The following TIMD4 variants were observed in gnomAD, a reference collection of about 807,000 sequenced individuals.
The protein encoded by TIMD4 is T-cell immunoglobulin and mucin domain-containing protein 4.
Under a neutral mutation model 41.2 loss-of-function variants are expected in TIMD4, and 31 were observed. That is an observed-to-expected ratio of 0.75 (90% confidence interval 0.57 to 1.01). The LOEUF is 1.01. TIMD4 is among the 50% of genes least tolerant of loss of function. TIMD4 has a pLI of 0.00. For synonymous variants in TIMD4, 204 were observed against 177.1 expected (o/e 1.15, Z -1.21); for missense variants, 479 against 472.5 (o/e 1.01, Z -0.13).
intron 5 of TIMD4, among the ~76,000 whole-genome samples, chr5:156,945,959 C>A (rs1759731248): frequency 6.6e-6 from 1 of 152,142 alleles, no homozygotes; most frequent in Non-Finnish European, 1.5e-5. Flanking sequence ...GCTTTTCATC[C>A]CTAATGACTA....
chr5:156,947,363 A>G (rs1001477748), intron 5 of TIMD4, among the ~76,000 whole-genome samples: 2 of 152,216 alleles, frequency 1.3e-5, no homozygotes, highest in African/African-American at 4.8e-5. Context: ...CTTTTCTGAG[A>G]ACATTTTTCT....
chr5:156,942,137 C>T (rs940071354), intron 5 of TIMD4, among the ~76,000 whole-genome samples: 1 of 152,192 alleles, frequency 6.6e-6, no homozygotes, highest in Non-Finnish European at 1.5e-5. Flanking sequence ...GCAAAGTCCT[C>T]GTGTGTTTTT....
intron 5 of TIMD4, among the ~76,000 whole-genome samples, chr5:156,941,104 T>A (rs892569197): frequency 6.6e-6 from 1 of 152,128 alleles, no homozygotes; most frequent in South Asian, 2.1e-4. Context: ...GTTAAACAGA[T>A]GCTTGAAGGC....
At chr5:156,940,961 T>A (rs1292063177) in intron 5 of TIMD4, among the ~76,000 whole-genome samples, 1 of 152,248 alleles carries the variant, frequency 6.6e-6, no homozygotes, top group Non-Finnish European at 1.5e-5. Flanking sequence ...TCCATTTTGT[T>A]CTTTACTAAG....
intron 1 of TIMD4, among the ~76,000 whole-genome samples, chr5:156,962,188 T>C (rs1753078808): frequency 6.6e-6 from 1 of 152,104 alleles, no homozygotes; most frequent in Non-Finnish European, 1.5e-5. Flanking sequence ...TAAGTCCTAG[T>C]GTTTGATAGC....
chr5:156,932,847 T>C (rs1759467424), intron 5 of TIMD4, among the ~76,000 whole-genome samples: 2 of 151,894 alleles, frequency 1.3e-5, no homozygotes, highest in Non-Finnish European at 2.9e-5. Context: ...CTACTAAAAA[T>C]GCAAAAATTA....
At chr5:156,931,504 A>G (rs567390187) in intron 5 of TIMD4, among the ~76,000 whole-genome samples, 81 of 152,246 alleles carry the variant, frequency 5.3e-4, no homozygotes, top group African/African-American at 1.9e-3. Flanking sequence ...CTTAACATTA[A>G]CTCCACTTTT....
In TIMD4 at chr5:156,957,512, C is replaced by CAAAAAAAAAAAAAAA. The variant is rs3068101; in HGVS notation, c.59-2757_59-2756insTTTTTTTTTTTTTTT. Among the ~76,000 whole-genome samples the CAAAAAAAAAAAAAAA allele has an allele frequency of 1.2e-4, 14 of 113,782 alleles. 2 individuals carry two copies. Among genetic ancestry groups the CAAAAAAAAAAAAAAA allele is most frequent in the Non-Finnish European group, 1.2e-4 (7 of 56,964 alleles). 74.6% of individuals were successfully genotyped at this position (113,782 alleles called of 152,430 possible). A position where few individuals can be genotyped will look rare whatever the true frequency, so the allele number is the denominator to read the frequency against. ...TGGGTGACAGAGCGAGAGTCTATCT[C>CAAAAAAAAAAAAAAA]AAAAAAAAAAAAGAAAAAAGAAAAA... On this transcript the variant is annotated intron_variant, in intron 1 of 8. Transcript: ENST00000274532.
chr5:156,951,952 A>C (rs554021659), intron 2 of TIMD4, among the ~76,000 whole-genome samples, 162 bp from the exon 3 acceptor site: 46 of 152,198 alleles, frequency 3.0e-4, no homozygotes, highest in African/African-American at 1.1e-3. Flanking sequence ...CCCCACCCTG[A>C]CATGTTCCTT....
At chr5:156,958,600 T>C (rs760982527) in intron 1 of TIMD4, among the ~76,000 whole-genome samples, 1 of 152,118 alleles carries the variant, frequency 6.6e-6, no homozygotes, top group Non-Finnish European at 1.5e-5. Context: ...CAGAGTGAAA[T>C]GGGGATATGA....
intron 5 of TIMD4, among the ~76,000 whole-genome samples, chr5:156,937,178 G>T (rs1233407598): frequency 2.6e-5 from 4 of 152,086 alleles, no homozygotes; most frequent in Non-Finnish European, 5.9e-5. Flanking sequence ...GCTCTGAGGG[G>T]TCCATATCTT....
At chr5:156,939,225 A>C (rs144559715) in intron 5 of TIMD4, among the ~76,000 whole-genome samples, 38 of 152,370 alleles carry the variant, frequency 2.5e-4, no homozygotes, top group African/African-American at 8.7e-4. Context: ...ACAATTTTTT[A>C]ACCTCTTCAA....
In TIMD4 at chr5:156,948,470, A is replaced by T. The variant is rs1759788448; in HGVS notation, c.790T>A (p.Ser264Thr). 1.9e-6 allele frequency: 3 copies of T among 1,558,474 alleles called. No individual in the cohort carries two copies. The East Asian group carries it at 7.1e-5, about 37-fold the overall frequency. Reference protein sequence around the residue: ...ESKVWDLPSTSHVSMWKTSDS... With the variant: ...ESKVWDLPSTTHVSMWKTSDS... ...CTCGTTTTCCACATTGACACGTGGG[A>T]TGTTGATGGGAGATCCCAAACTTTG... Residue 264 changes from serine (S) to threonine (T), a missense_variant, in exon 5 of 9, where the codon TCC becomes ACC. Physicochemically the swap from Ser to Thr is moderately conservative, Grantham distance 58. Coordinates refer to ENST00000274532, the MANE Select transcript of TIMD4 (RefSeq NM_138379.3).
intron 1 of TIMD4, among the ~76,000 whole-genome samples, chr5:156,961,477 A>G (rs1350302509): frequency 6.6e-6 from 1 of 152,204 alleles, no homozygotes; most frequent in Non-Finnish European, 1.5e-5. Context: ...GAAGCAACCT[A>G]CGTGTCCATC....
rs896740443 is a variant in TIMD4, at chr5:156,930,208, C to T, written c.845-3896G>A. Among the ~76,000 whole-genome samples, 6 of 152,116 alleles carry T rather than the reference C, an allele frequency of 3.9e-5. No homozygotes were observed. In the South Asian group the frequency reaches 6.2e-4, roughly 16 times the overall value. On this transcript the variant is annotated intron_variant, in intron 5 of 8. Coordinates refer to ENST00000274532, the MANE Select transcript of TIMD4 (RefSeq NM_138379.3). ...AACTCCTGGCCTCAAGTGATACGCA[C>T]GCCTCAGCCTCCAAAGTGCTGGGAT...
intron 2 of TIMD4, among the ~76,000 whole-genome samples, chr5:156,952,282 T>C (rs1271888662): frequency 9.3e-5 from 13 of 139,960 alleles, no homozygotes; most frequent in Admixed American, 8.6e-4. Flanking sequence ...AGAGTAAGAC[T>C]CCATCTCAAA....
intron 5 of TIMD4, among the ~76,000 whole-genome samples, chr5:156,944,483 C>T (rs78633715): frequency 0.013 from 1,887 of 141,344 alleles, 24 homozygotes; most frequent in Non-Finnish European, 0.021. Flanking sequence ...TCCCGCTGTT[C>T]AGCTGTGTGA....
intron 3 of TIMD4, 73 bp downstream of exon 3, chr5:156,951,439 G>A (rs1259208989): frequency 6.4e-7 from 1 of 1,570,336 alleles, no homozygotes; most frequent in Non-Finnish European, 8.7e-7. Context: ...CACACTGAGA[G>A]AGAGCAAGTC....
chr5:156,963,102 C>T (rs545390382), intron 1 of TIMD4, 39 bp downstream of exon 1: 3 of 1,604,816 alleles, frequency 1.9e-6, no homozygotes, highest in Admixed American at 1.7e-5. Context: ...ATAGCAAGTC[C>T]TCTGGAAACT....
Sources: allele counts gnomAD v4.1 joint callset (sites outside exome capture counted in the v4.1 genomes callset), GRCh38; gene constraint gnomAD v4.1.1; transcripts MANE v1.5; gene names NCBI Gene and HGNC (gene_info 2026-07-23, HGNC 2026-07-21).